ASPHD1: variants seen among roughly 807,000 people sequenced by gnomAD.
The protein encoded by ASPHD1 is aspartate beta-hydroxylase domain containing 1.
A neutral mutation model predicts 28.3 loss-of-function variants in ASPHD1; 20 were observed. The ratio of observed to expected loss-of-function variants is 0.71; its 90% CI spans 0.50 to 1.03. ASPHD1 has a LOEUF of 1.03. Among genes scored for constraint, ASPHD1 ranks in the 50% least tolerant of loss-of-function variants. ASPHD1 has a pLI of 0.00. For missense variants in ASPHD1, 479 were observed against 524.1 expected, an observed-to-expected ratio of 0.91 and a Z score of 0.84; for synonymous variants, 240 against 221.2, an observed-to-expected ratio of 1.08 and a Z score of -0.75.
At chr16:29,913,491 C>T (rs764324240) in intron 3 of ASPHD1, 1 of 152,158 alleles carries the variant, frequency 6.6e-6, no homozygotes, top group African/African-American at 2.4e-5. Context: ...TAACAAACTG[C>T]CCCCAATTTA....
At chr16:29,911,717 T>G in intron 3 of ASPHD1, 2 of 1,319,326 alleles carry the variant, frequency 1.5e-6, no homozygotes, top group Non-Finnish European at 2.1e-6. Context: ...CAGATGTTCT[T>G]GTAGGCCCCC....
At chr16:29,912,738 C>A (rs2068738597) in intron 3 of ASPHD1, among the ~76,000 whole-genome samples, 1 of 152,232 alleles carries the variant, frequency 6.6e-6, no homozygotes, top group South Asian at 2.1e-4. Flanking sequence ...CTGCACCAGG[C>A]CTATCAGTTC....
downstream of ASPHD1, chr16:29,906,961 G>A: frequency 1.2e-6 from 2 of 1,614,150 alleles, no homozygotes; most frequent in Non-Finnish European, 1.7e-6. Context: ...CGGTGCTCTC[G>A]GTTCTCTTCA....
intron 3 of ASPHD1, chr16:29,912,020 G>A: frequency 1.2e-6 from 2 of 1,610,852 alleles, no homozygotes; most frequent in Admixed American, 1.7e-5. Context: ...TGGGGATGAG[G>A]CACAGCGGGG....
intron 3 of ASPHD1, chr16:29,913,456 T>C (rs1470479436): frequency 2.6e-5 from 4 of 152,124 alleles, no homozygotes; most frequent in Non-Finnish European, 5.9e-5. Flanking sequence ...AATTACGGAG[T>C]ATGAATTCGT....
intron 2 of ASPHD1, chr16:29,905,223 T>G (rs541905481): frequency 2.6e-6 from 1 of 378,618 alleles, no homozygotes; most frequent in Middle Eastern, 7.6e-4. Flanking sequence ...TGGGTTCCTG[T>G]CCTACCTCTT....
chr16:29,910,579 G>A (rs188676019), downstream of ASPHD1, among the ~76,000 whole-genome samples: 3 of 152,052 alleles, frequency 2.0e-5, no homozygotes, highest in Admixed American at 6.5e-5. Context: ...GGCTGGTCTC[G>A]AACTCCTGGG....
At chr16:29,912,131 G>C in intron 3 of ASPHD1, 1 of 937,894 alleles carries the variant, frequency 1.1e-6, no homozygotes, top group Non-Finnish European at 1.7e-6. Context: ...AAGCTGGTTG[G>C]GAACAACTCC....
intron 1 of ASPHD1, among the ~76,000 whole-genome samples, chr16:29,903,701 A>T (rs1240210804): frequency 6.6e-6 from 1 of 151,896 alleles, no homozygotes; most frequent in African/African-American, 2.4e-5. Flanking sequence ...GACAGATGCC[A>T]CATGTGCTGT....
downstream of ASPHD1, among the ~76,000 whole-genome samples, chr16:29,908,683 CTT>C (rs576706189): frequency 1.7e-4 from 23 of 136,122 alleles, no homozygotes; most frequent in Non-Finnish European, 1.9e-4. Flanking sequence ...CATGCCCGGC[CTT>C]TTTTTTTTTT....
chr16:29,901,676 C>A lies in ASPHD1; in HGVS notation c.705C>A (p.Thr235=). 1 of 1,584,458 alleles carries A rather than the reference C, an allele frequency of 6.3e-7. No individual in the cohort carries two copies. Among genetic ancestry groups the A allele is most frequent in the South Asian group, 1.1e-5 (1 of 87,826 alleles). ...GAVSWDFSGT[T]PPPRGWSPPL... is the part of the protein sequence containing the mutation. ...TGAGCTGGGACTTCTCAGGGACTACCCCTCCGCCTCGGGGCTGGTCCCCAC... is the reference window on the plus strand; with the variant it reads ...TGAGCTGGGACTTCTCAGGGACTACACCTCCGCCTCGGGGCTGGTCCCCAC... Residue 235 remains threonine, a synonymous_variant, in exon 1 of 3, where the codon ACC becomes ACA. Coordinates refer to ENST00000308748, the MANE Select transcript of ASPHD1 (RefSeq NM_181718.4). This position sits in a 1 kb window ranked among gnomAD's most constrained non-coding sequence, Gnocchi z 5.1.
At position 29,901,214 on chromosome 16, in the gene ASPHD1, C is replaced by T; in HGVS notation, c.243C>T (p.Thr81=). 1 of 1,613,866 alleles carries T rather than the reference C, an allele frequency of 6.2e-7. No homozygotes were observed. Among genetic ancestry groups the T allele is most frequent in the Non-Finnish European group, 8.5e-7 (1 of 1,179,942 alleles). The change falls in exon 1 of 3, where the codon ACC becomes ACT. Residue 81 remains threonine (T), a synonymous_variant. Transcript: ENST00000308748. The surrounding 1 kb of genome is among the most constrained non-coding windows in gnomAD (Gnocchi z 5.1). ...TACCCCTGGCCTCCTCGGCCCTCAC[C>T]TTGCTCTTCGGGGCCCTCACTTCCC... ...WPLPLASSAL[T]LLFGALTSLF... is the part of the protein sequence containing the mutation.
Position 29,901,871 on chromosome 16 carries a change from G to A in ASPHD1, c.900G>A (p.Arg300=). The A allele has an allele frequency of 6.5e-7, 1 of 1,532,772 alleles. No individual in the cohort carries two copies. The highest frequency in any genetic ancestry group is 1.4e-5 in the African/African-American group (1 of 71,678). 94.9% of individuals were successfully genotyped at this position (1,532,772 alleles called of 1,614,324 possible). ...TTTCCGTTCTCCTGCCTGGGGCCCG[G>A]CTCGAGGGCCGCTGTGGGCCCACCA... is the stretch of plus-strand genomic sequence containing the variant. ...AGFSVLLPGA[R]LEGRCGPTNA... Residue 300 remains arginine, a synonymous_variant, in exon 1 of 3, where the codon CGG becomes CGA. Coordinates refer to ENST00000308748, the MANE Select transcript of ASPHD1 (RefSeq NM_181718.4). The surrounding 1 kb of genome is among the most constrained non-coding windows in gnomAD (Gnocchi z 5.1).
chr16:29,918,771 C>G (rs994281939), intron 3 of ASPHD1, among the ~76,000 whole-genome samples: 3 of 152,200 alleles, frequency 2.0e-5, no homozygotes, highest in Non-Finnish European at 4.4e-5. Context: ...GATTCTCCTG[C>G]CTCAGCCTCC....
chr16:29,905,957 A>G lies in ASPHD1; in HGVS notation c.*60A>G. The G allele has an allele frequency of 3.5e-6, 3 of 857,290 alleles. No individual in the cohort carries two copies. Among genetic ancestry groups the G allele is most frequent in the Non-Finnish European group, 5.2e-6 (3 of 574,624 alleles). 53.1% of individuals were successfully genotyped at this position (857,290 alleles called of 1,614,324 possible). On this transcript the variant is annotated 3_prime_UTR_variant, in exon 3 of 3. Coordinates refer to ENST00000308748, the MANE Select transcript of ASPHD1 (RefSeq NM_181718.4). Reference sequence around the variant, plus strand: ...AGACACTGCGCTCAGGGACGGCTTGATGGTAGCCAGGACCTCCTCTCTACT... The same window carrying G: ...AGACACTGCGCTCAGGGACGGCTTGGTGGTAGCCAGGACCTCCTCTCTACT...
chr16:29,901,948 T>C lies in ASPHD1; in HGVS notation c.949+28T>C. On this transcript the variant is annotated intron_variant, in intron 1 of 2. Transcript: ENST00000308748. The surrounding 1 kb of genome is among the most constrained non-coding windows in gnomAD (Gnocchi z 5.1). ...AAGTAGCTGCCGCCTACTGACAACC[T>C]CCTTGCCTCGATGATTTCCCCCCCA... 6.9e-7 allele frequency: 1 copy of C among 1,440,180 alleles called. No individual in the cohort carries two copies. Among genetic ancestry groups the C allele is most frequent in the Non-Finnish European group, 9.1e-7 (1 of 1,096,340 alleles). The allele number at this position is 1,440,180 out of a possible 1,614,324, so 89.2% of individuals were successfully genotyped here.
At chr16:29,910,025 G>A (rs1173171082), downstream of ASPHD1, among the ~76,000 whole-genome samples, 1 of 151,442 alleles carries the variant, frequency 6.6e-6, no homozygotes. Context: ...CTTGAATCTG[G>A]GAGGCAGAGG....
chr16:29,905,753 C>A, intron 2 of ASPHD1, 35 bp from the exon 3 acceptor site: 1 of 1,502,422 alleles, frequency 6.7e-7, no homozygotes, highest in Non-Finnish European at 9.2e-7. Flanking sequence ...TACCTAATGT[C>A]AGTGGCTCTG....
At chr16:29,918,177 C>T (rs2068842701) in intron 3 of ASPHD1, among the ~76,000 whole-genome samples, 1 of 152,194 alleles carries the variant, frequency 6.6e-6, no homozygotes, top group East Asian at 1.9e-4. Context: ...AATGTAATTA[C>T]TGGTTCAGGT....
Sources: gnomAD v4.1 joint callset for allele counts (sites outside exome capture counted in the v4.1 genomes callset) on GRCh38, gnomAD v4.1.1 for gene constraint, Gnocchi (gnomAD v3.1) non-coding constraint, MANE v1.5 for transcripts, NCBI Gene and HGNC (gene_info 2026-07-23, HGNC 2026-07-21) for gene names.